Variants in BAALC observed in about 807,000 individuals in gnomAD.
BAALC encodes the protein BAALC binder of MAP3K1 and KLF4.
In BAALC, 9 loss-of-function variants were observed where a neutral mutation model predicts 15.5. The ratio of observed to expected loss-of-function variants is 0.58; its 90% confidence interval spans 0.35 to 1.02. The LOEUF (loss-of-function observed/expected upper bound fraction) is 1.02, where lower values mean the gene tolerates loss of function less well. BAALC is among the 50% of genes least tolerant of loss of function. The pLI is 0.02. For synonymous variants in BAALC, 80 were observed against 74.6 expected (o/e 1.07, Z -0.37); for missense variants, 201 against 192.4 (o/e 1.04, Z -0.27).
intron 1 of BAALC, chr8:103,154,479 C>T (rs1414717908): frequency 6.5e-6 from 1 of 152,724 alleles, no homozygotes. Flanking sequence ...CAGGTAAATA[C>T]TCCCAAGTAC....
chr8:103,151,254 T>C lies in BAALC; in HGVS notation c.160+10197T>C, dbSNP rs576836146. Among the ~76,000 whole-genome samples the C allele has an allele frequency of 3.3e-5, 5 of 152,224 alleles. No homozygotes were observed. The East Asian group carries it at 7.7e-4, about 24-fold the overall frequency. Reference sequence around the variant, plus strand: ...GGGTGGTCTTAATCTCCTGACTTCGTGATCTGCCTGCTTTGGCCTCCCAAA... The same window carrying C: ...GGGTGGTCTTAATCTCCTGACTTCGCGATCTGCCTGCTTTGGCCTCCCAAA... On this transcript the variant is annotated intron_variant, in intron 1 of 2. Coordinates refer to ENST00000309982, the MANE Select transcript of BAALC (RefSeq NM_024812.3).
At chr8:103,225,770 G>A (rs1394369104) in intron 2 of BAALC, among the ~76,000 whole-genome samples, 1 of 152,008 alleles carries the variant, frequency 6.6e-6, no homozygotes, top group African/African-American at 2.4e-5. Context: ...TCAGATGAGG[G>A]CAATTCTCAA....
chr8:103,141,149 T>C (rs1008226448), intron 1 of BAALC, 92 bp downstream of exon 1: 79 of 1,323,324 alleles, frequency 6.0e-5, no homozygotes, highest in Admixed American at 8.2e-5. Context: ...CCCTGAGGAA[T>C]TGATGGCGCG....
intron 1 of BAALC, among the ~76,000 whole-genome samples, chr8:103,193,156 G>A (rs1418618651): frequency 6.6e-6 from 1 of 152,228 alleles, no homozygotes; most frequent in Non-Finnish European, 1.5e-5. Context: ...CATAGAAAGA[G>A]CTTGTGAACA....
At chr8:103,185,605 G>A (rs1210077094) in intron 1 of BAALC, among the ~76,000 whole-genome samples, 1 of 152,218 alleles carries the variant, frequency 6.6e-6, no homozygotes, top group African/African-American at 2.4e-5. Context: ...CTCTGCCCCA[G>A]GCCTCAAAAT....
chr8:103,190,499 T>C (rs1414011340), intron 1 of BAALC, among the ~76,000 whole-genome samples: 1 of 152,228 alleles, frequency 6.6e-6, no homozygotes, highest in East Asian at 1.9e-4. Context: ...CATGTTTTCA[T>C]TAAGCCTATA....
rs1300207410 is a variant in BAALC, at chr8:103,174,511, C to T, written c.160+33454C>T. Among the ~76,000 whole-genome samples the T allele has an allele frequency of 2.6e-5, 4 of 152,160 alleles. No homozygotes were observed. In the South Asian group the frequency reaches 8.3e-4, roughly 31 times the overall value. ...TGCCAGTTAGCCGATTTTCTGGGCT[C>T]AACTTGTGAACTGCAAAGATGCAGG... On this transcript the variant is annotated intron_variant, in intron 1 of 2. Transcript: ENST00000309982.
At chr8:103,153,342 A>G (rs1035615348) in intron 1 of BAALC, 1 of 152,206 alleles carries the variant, frequency 6.6e-6, no homozygotes, top group African/African-American at 2.4e-5. Context: ...TTCTGCCAGA[A>G]ACCAAGGTGA....
intron 1 of BAALC, among the ~76,000 whole-genome samples, chr8:103,167,278 G>A (rs1811369660): frequency 6.6e-6 from 1 of 152,170 alleles, no homozygotes; most frequent in South Asian, 2.1e-4. Flanking sequence ...CAAAGTGCTA[G>A]ACATAGTCCT....
chr8:103,188,848 T>C (rs578242647), intron 1 of BAALC, among the ~76,000 whole-genome samples: 10 of 152,362 alleles, frequency 6.6e-5, no homozygotes. Flanking sequence ...TTTCTCTAAT[T>C]GCTTGTAAAA....
rs549105111 is a variant in BAALC at position 103,196,291 on chromosome 8, C to T, written c.161-16628C>T. On this transcript the variant is annotated intron_variant, in intron 1 of 2. Transcript: ENST00000309982. Reference sequence around the variant, plus strand: ...TTTTTGTTTTTGTTGTTATTGTTATCGTTTTTTGAGACAGGGTCTCATTCT... The same window carrying T: ...TTTTTGTTTTTGTTGTTATTGTTATTGTTTTTTGAGACAGGGTCTCATTCT... Among the ~76,000 whole-genome samples the T allele has an allele frequency of 2.6e-5, 4 of 151,870 alleles. No individual in the cohort carries two copies. In the South Asian group the frequency reaches 8.3e-4, roughly 32 times the overall value.
At chr8:103,212,316 C>T (rs1812465691) in intron 1 of BAALC, among the ~76,000 whole-genome samples, 1 of 152,062 alleles carries the variant, frequency 6.6e-6, no homozygotes, top group Non-Finnish European at 1.5e-5. Context: ...GGCATGGTGA[C>T]ACGTGCCTTT....
chr8:103,212,763 T>C (rs1812475879), intron 1 of BAALC, among the ~76,000 whole-genome samples, 156 bp from the exon 2 acceptor site: 1 of 152,214 alleles, frequency 6.6e-6, no homozygotes, highest in South Asian at 2.1e-4. Context: ...GTAAAAAGCA[T>C]ATATGTTCTT....
intron 1 of BAALC, among the ~76,000 whole-genome samples, chr8:103,188,273 T>C (rs1227385915): frequency 6.6e-6 from 1 of 152,142 alleles, no homozygotes; most frequent in Non-Finnish European, 1.5e-5. Flanking sequence ...ATTTTTCTAG[T>C]AGCTCCTGTA....
intron 1 of BAALC, among the ~76,000 whole-genome samples, chr8:103,212,287 A>T (rs569252240): frequency 1.3e-5 from 2 of 152,048 alleles, no homozygotes; most frequent in Non-Finnish European, 2.9e-5. Flanking sequence ...TCTACAAAAA[A>T]ATATACAAAA....
chr8:103,189,107 A>G (rs185913989), intron 1 of BAALC, among the ~76,000 whole-genome samples: 9 of 152,348 alleles, frequency 5.9e-5, no homozygotes, highest in Non-Finnish European at 1.2e-4. Context: ...TGTGTTCCCA[A>G]TGAATAGAAA....
At chr8:103,206,802 G>A (rs1264297991) in intron 1 of BAALC, among the ~76,000 whole-genome samples, 2 of 152,152 alleles carry the variant, frequency 1.3e-5, no homozygotes, top group Non-Finnish European at 2.9e-5. Context: ...GATGGGGCAG[G>A]ACAAGGAGCT....
chr8:103,188,094 G>A (rs1811884919), intron 1 of BAALC, among the ~76,000 whole-genome samples: 1 of 152,120 alleles, frequency 6.6e-6, no homozygotes, highest in Non-Finnish European at 1.5e-5. Context: ...GGGCTGGCTT[G>A]GAGTAAGGCT....
rs139182843 is a variant in BAALC, at chr8:103,177,167, TTTGTTGTTG to T, written c.161-35737_161-35729del. ...TCTCACTCTTCCTGTGTGCGGGTTT[TTTGTTGTTG>T]TTGTTGTTGTTGTTTTGTTTTTTTT... On this transcript the variant is annotated intron_variant, in intron 1 of 2. Coordinates refer to ENST00000309982, the MANE Select transcript of BAALC (RefSeq NM_024812.3). 2.7e-5 allele frequency among the ~76,000 whole-genome samples: 4 copies of T among 150,088 alleles called. No individual in the cohort carries two copies. The East Asian group carries it at 5.8e-4, about 22-fold the overall frequency.
Sources: gnomAD v4.1 joint callset for allele counts (sites outside exome capture counted in the v4.1 genomes callset) on GRCh38, gnomAD v4.1.1 for gene constraint, MANE v1.5 for transcripts, NCBI Gene and HGNC (gene_info 2026-07-23, HGNC 2026-07-21) for gene names.